Variants in TRPC7 observed in about 807,000 individuals in gnomAD.
TRPC7 encodes the protein short transient receptor potential channel 7.
A neutral mutation model predicts 90.1 loss-of-function variants in TRPC7; 42 were observed. The observed-to-expected ratio is 0.47, with a 90% CI of 0.36 to 0.60. The LOEUF is 0.60. Among genes scored for constraint, TRPC7 ranks in the 20% least tolerant of loss-of-function variants. TRPC7 has a pLI of 0.00. For missense variants in TRPC7, 955 were observed against 1,112.3 expected (o/e 0.86, Z 2.01); for synonymous variants, 451 against 436.3 (o/e 1.03, Z -0.42).
At chr5:136,311,314 AGG>A (rs1334728739) in intron 3 of TRPC7, among the ~76,000 whole-genome samples, 1 of 152,154 alleles carries the variant, frequency 6.6e-6, no homozygotes, top group East Asian at 1.9e-4. Context: ...GAGGAGAGAG[AGG>A]GATGGATGAG....
At chr5:136,305,151 G>A (rs549578876) in intron 3 of TRPC7, among the ~76,000 whole-genome samples, 5 of 152,184 alleles carry the variant, frequency 3.3e-5, no homozygotes, top group Admixed American at 6.5e-5. Flanking sequence ...TTCTTGGCCC[G>A]GACTTCAATC....
chr5:136,247,583 C>A lies in TRPC7; in HGVS notation c.1732G>T (p.Asp578Tyr). The A allele has an allele frequency of 1.2e-6, 2 of 1,614,002 alleles. No individual in the cohort carries two copies. The highest frequency in any genetic ancestry group is 1.7e-6 in the Non-Finnish European group (2 of 1,179,896). Reference sequence around the variant, plus strand: ...AAAATGACCATGAACTTGAAGATATCTTTCACAGTTCTCCCTAGCGAGATC... The same window carrying A: ...AAAATGACCATGAACTTGAAGATATATTTCACAGTTCTCCCTAGCGAGATC... ...LQISLGRTVKDIFKFMVIFIM... is the reference protein window; with the variant it reads ...LQISLGRTVKYIFKFMVIFIM... Residue 578 changes from aspartate to tyrosine, a missense_variant, in exon 7 of 12, where the codon GAT (aspartate) becomes TAT (tyrosine). Physicochemically the swap from Asp to Tyr is radical, Grantham distance 160. Transcript: ENST00000513104. This position sits in a 1 kb window ranked among gnomAD's most constrained non-coding sequence, Gnocchi z 4.2.
intron 3 of TRPC7, among the ~76,000 whole-genome samples, chr5:136,287,725 A>AAAAAC (rs1757776791): frequency 7.6e-6 from 1 of 131,940 alleles, no homozygotes; most frequent in African/African-American, 3.0e-5. Flanking sequence ...AAAAAAAAAA[A>AAAAAC]AAAACCCAGA....
At chr5:136,236,604 T>C (rs867278660) in intron 7 of TRPC7, among the ~76,000 whole-genome samples, 6 of 152,056 alleles carry the variant, frequency 3.9e-5, no homozygotes, top group African/African-American at 2.4e-5. Flanking sequence ...GGAGGGAATG[T>C]GGGTGTGTGG....
chr5:136,351,269 C>T (rs1760185627), intron 2 of TRPC7, among the ~76,000 whole-genome samples: 1 of 152,144 alleles, frequency 6.6e-6, no homozygotes, highest in Non-Finnish European at 1.5e-5. Flanking sequence ...CACACACAGG[C>T]ACACATCACA....
chr5:136,280,193 C>A (rs1414543590), intron 3 of TRPC7, among the ~76,000 whole-genome samples: 3 of 152,070 alleles, frequency 2.0e-5, no homozygotes, highest in African/African-American at 7.2e-5. Flanking sequence ...AAACACCCAA[C>A]TTCCTGTCTA....
chr5:136,301,332 A>ATTTTTTT lies in TRPC7; in HGVS notation c.963+14258_963+14264dup, dbSNP rs368799815. 7.0e-5 allele frequency among the ~76,000 whole-genome samples: 6 copies of ATTTTTTT among 85,710 alleles called. 1 individual carries two copies. The highest frequency in any genetic ancestry group is 1.4e-4 in the Admixed American group (1 of 6,908). 56.2% of individuals were successfully genotyped at this position (85,710 alleles called of 152,430 possible). A position where few individuals can be genotyped will look rare whatever the true frequency, so the allele number is the denominator to read the frequency against. ...TTGAGCCACTGCACCCAGCCCAGGC[A>ATTTTTTT]TTTTTTTTTTTTTTTTTTTTTTTTT... On this transcript the variant is annotated intron_variant, in intron 3 of 11. Transcript: ENST00000513104.
intron 7 of TRPC7, among the ~76,000 whole-genome samples, chr5:136,233,708 C>T (rs1219354248): frequency 6.6e-6 from 1 of 152,172 alleles, no homozygotes; most frequent in Non-Finnish European, 1.5e-5. Context: ...AAGGCTTTAC[C>T]CAAATTCATC....
chr5:136,281,379 C>T (rs7712801), intron 3 of TRPC7, among the ~76,000 whole-genome samples: 18,388 of 152,172 alleles, frequency 0.12, 1,154 homozygotes, highest in African/African-American at 0.14. Context: ...GTGGAGGCCA[C>T]CCAAACTCAG....
chr5:136,289,224 G>A (rs542751610), intron 3 of TRPC7, among the ~76,000 whole-genome samples: 5 of 152,294 alleles, frequency 3.3e-5, no homozygotes, highest in African/African-American at 9.6e-5. Context: ...ACAGCTCCCA[G>A]CATGAGCGAC....
rs536499653 is a variant in TRPC7 at position 136,286,113 on chromosome 5, T to C, written c.964-11276A>G. On this transcript the variant is annotated intron_variant, in intron 3 of 11. Transcript: ENST00000513104. The stretch of plus-strand genomic sequence containing the variant: ...ATAGTATAATTTCAAGAAATACTTA[T>C]CGAATGCGCGAATTTATAAATGAAT... Among the ~76,000 whole-genome samples the C allele has an allele frequency of 2.0e-4, 30 of 152,368 alleles. No homozygotes were observed. In the South Asian group the frequency reaches 6.0e-3, roughly 30 times the overall value.
At chr5:136,330,676 G>A (rs1020359439) in intron 2 of TRPC7, among the ~76,000 whole-genome samples, 3 of 152,238 alleles carry the variant, frequency 2.0e-5, no homozygotes, top group East Asian at 1.9e-4. Flanking sequence ...TTACACACCC[G>A]AGGGAAGGAC....
intron 4 of TRPC7, among the ~76,000 whole-genome samples, chr5:136,272,756 T>C (rs758444674): frequency 3.3e-5 from 5 of 152,208 alleles, no homozygotes; most frequent in Non-Finnish European, 7.3e-5. Context: ...ACCCCTGTTA[T>C]GGACCAAACT....
chr5:136,333,536 A>T (rs1275027295), intron 2 of TRPC7, among the ~76,000 whole-genome samples: 1 of 152,232 alleles, frequency 6.6e-6, no homozygotes, highest in Non-Finnish European at 1.5e-5. Flanking sequence ...GGAGAATATC[A>T]TGGTCTGATT....
chr5:136,307,847 A>T (rs986772149), intron 3 of TRPC7, among the ~76,000 whole-genome samples: 1 of 152,220 alleles, frequency 6.6e-6, no homozygotes, highest in Non-Finnish European at 1.5e-5. Context: ...TATGGCAAAC[A>T]GTTTCCATTG....
intron 3 of TRPC7, among the ~76,000 whole-genome samples, chr5:136,304,420 G>A (rs891795948): frequency 5.9e-5 from 9 of 152,002 alleles, no homozygotes; most frequent in African/African-American, 2.2e-4. Flanking sequence ...GTCCTAAAAC[G>A]AGATAAGGCT....
intron 3 of TRPC7, among the ~76,000 whole-genome samples, chr5:136,294,356 T>C (rs1338601079): frequency 1.3e-5 from 2 of 152,244 alleles, no homozygotes; most frequent in Non-Finnish European, 2.9e-5. Context: ...ACAGGCAACC[T>C]ACAGAATGGG....
intron 10 of TRPC7, among the ~76,000 whole-genome samples, chr5:136,216,967 C>T (rs1755287916): frequency 6.6e-6 from 1 of 152,184 alleles, no homozygotes; most frequent in African/African-American, 2.4e-5. Context: ...ATTCGTTAAG[C>T]AGGCGAGGCA....
rs542774359 is a variant in TRPC7 at position 136,313,630 on chromosome 5, G to A, written c.963+1967C>T. ...GAATAAATGTCAAGGAGAGCTATGA[G>A]TCTGTCTGCTGTCGCATGATGGCAT... On this transcript the variant is annotated intron_variant, in intron 3 of 11. Transcript: ENST00000513104. Among the ~76,000 whole-genome samples the A allele has an allele frequency of 4.6e-5, 7 of 152,272 alleles. No homozygotes were observed. The South Asian group carries it at 1.0e-3, about 23-fold the overall frequency.
Sources: allele counts gnomAD v4.1 joint callset (sites outside exome capture counted in the v4.1 genomes callset), GRCh38; gene constraint gnomAD v4.1.1; non-coding constraint Gnocchi (gnomAD v3.1); transcripts MANE v1.5; gene names NCBI Gene and HGNC (gene_info 2026-07-23, HGNC 2026-07-21).